PLPPR1: variants seen among roughly 807,000 people sequenced by gnomAD.
PLPPR1 encodes the protein phospholipid phosphatase-related protein type 1.
PLPPR1 carries 10 observed loss-of-function variants against 33.1 expected under a neutral mutation model. The ratio of observed to expected loss-of-function variants is 0.30; its 90% CI spans 0.19 to 0.51. The LOEUF (loss-of-function observed/expected upper bound fraction) is 0.51, where lower values mean the gene tolerates loss of function less well. PLPPR1 is among the 20% of genes least tolerant of loss of function. PLPPR1 has a pLI of 0.97. For missense variants in PLPPR1, 304 were observed against 408.1 expected (o/e 0.74, Z 2.20); for synonymous variants, 151 against 151.0 (o/e 1.00, Z 0.00).
At chr9:101,176,839 A>G (rs1826026168) in intron 1 of PLPPR1, among the ~76,000 whole-genome samples, 1 of 152,338 alleles carries the variant, frequency 6.6e-6, no homozygotes, top group South Asian at 2.1e-4. Context: ...AGAATCAAAA[A>G]GATCTCAAAC....
intron 1 of PLPPR1, among the ~76,000 whole-genome samples, chr9:101,134,615 C>T (rs1051656338): frequency 5.9e-5 from 9 of 152,082 alleles, no homozygotes; most frequent in African/African-American, 2.2e-4. Context: ...AACTCCTGAG[C>T]TCAAGTGATT....
intron 1 of PLPPR1, among the ~76,000 whole-genome samples, chr9:101,064,999 C>T (rs142621219): frequency 2.6e-5 from 4 of 152,052 alleles, no homozygotes; most frequent in African/African-American, 7.2e-5. Flanking sequence ...CCTCTCAACA[C>T]GTCTACACTG....
At chr9:101,226,217 A>T (rs909273241) in intron 2 of PLPPR1, among the ~76,000 whole-genome samples, 1 of 152,060 alleles carries the variant, frequency 6.6e-6, no homozygotes, top group African/African-American at 2.4e-5. Context: ...AGGCAGAAAA[A>T]GATTTTGAGA....
chr9:101,269,858 T>C lies in PLPPR1; in HGVS notation c.64-22T>C, dbSNP rs368695995. 1.2e-4 allele frequency: 187 copies of C among 1,612,958 alleles called. 1 individual carries two copies. Among genetic ancestry groups the C allele is most frequent in the Non-Finnish European group, 1.6e-4 (183 of 1,179,558 alleles). ...CTCCGAAGCCCTGCTAATGTCTCTG[T>C]GTGGCCATGCTGTATTTTCAGCTTG... On this transcript the variant is annotated intron_variant, in intron 2 of 7. Coordinates refer to ENST00000374874, the MANE Select transcript of PLPPR1 (RefSeq NM_207299.2).
At chr9:101,236,536 TCACA>T (rs60508436) in intron 2 of PLPPR1, among the ~76,000 whole-genome samples, 205 of 148,690 alleles carry the variant, frequency 1.4e-3, no homozygotes, top group Middle Eastern at 3.4e-3. Context: ...CTCTCTAAAC[TCACA>T]CACACACACA....
At position 101,044,674 on chromosome 9, in the gene PLPPR1, C is replaced by G. The variant is rs16919754; in HGVS notation, c.-46+15572C>G. 8.1e-3 allele frequency among the ~76,000 whole-genome samples: 1,226 copies of G among 152,222 alleles called. 14 individuals carry two copies. The highest frequency in any genetic ancestry group is 0.028 in the African/African-American group (1,164 of 41,546). ...AAGTAACTCTTCCAGCAATGTGAAACTCAAATTTTTACTGTTCATTTTTCA... is the reference window on the plus strand; with the variant it reads ...AAGTAACTCTTCCAGCAATGTGAAAGTCAAATTTTTACTGTTCATTTTTCA... On this transcript the variant is annotated intron_variant, in intron 1 of 7. Coordinates refer to ENST00000374874, the MANE Select transcript of PLPPR1 (RefSeq NM_207299.2).
intron 3 of PLPPR1, among the ~76,000 whole-genome samples, chr9:101,279,367 C>T (rs1828254285): frequency 6.6e-6 from 1 of 152,142 alleles, no homozygotes; most frequent in African/African-American, 2.4e-5. Context: ...AGATAGACCT[C>T]AATGCAAAAA....
At chr9:101,207,768 CTG>C (rs1229588152) in intron 2 of PLPPR1, among the ~76,000 whole-genome samples, 3 of 152,106 alleles carry the variant, frequency 2.0e-5, no homozygotes, top group Non-Finnish European at 4.4e-5. Flanking sequence ...TTCTGTGCCT[CTG>C]AGAGATTTTG....
At chr9:101,127,646 G>A (rs1831262499) in intron 1 of PLPPR1, among the ~76,000 whole-genome samples, 1 of 152,168 alleles carries the variant, frequency 6.6e-6, no homozygotes, top group Admixed American at 6.5e-5. Context: ...AGAGCCACGA[G>A]CCCTGGATTC....
intron 1 of PLPPR1, among the ~76,000 whole-genome samples, chr9:101,124,676 C>T (rs930352139): frequency 2.6e-5 from 4 of 152,196 alleles, no homozygotes; most frequent in East Asian, 1.9e-4. Flanking sequence ...CAATTCACAC[C>T]GTACAGGTGG....
intron 1 of PLPPR1, among the ~76,000 whole-genome samples, chr9:101,127,259 A>C (rs1273233765): frequency 6.6e-6 from 1 of 152,178 alleles, no homozygotes. Flanking sequence ...TTGTCACCCC[A>C]TGTTGGGTGC....
intron 3 of PLPPR1, among the ~76,000 whole-genome samples, chr9:101,285,643 CAGT>C (rs1828381252): frequency 6.6e-6 from 1 of 152,120 alleles, no homozygotes; most frequent in Non-Finnish European, 1.5e-5. Context: ...TTATAGCATA[CAGT>C]ATGTCATTTC....
chr9:101,217,132 T>C (rs1325122417), intron 2 of PLPPR1, among the ~76,000 whole-genome samples: 2 of 152,046 alleles, frequency 1.3e-5, no homozygotes, highest in Admixed American at 6.6e-5. Context: ...TATGAAGTAA[T>C]ATCATTAAAA....
chr9:101,265,982 C>A (rs1179756917), intron 2 of PLPPR1, among the ~76,000 whole-genome samples: 1 of 148,316 alleles, frequency 6.7e-6, no homozygotes, highest in Non-Finnish European at 1.5e-5. Context: ...GGCGACAGTG[C>A]GAGACACCGC....
At chr9:101,147,494 A>G (rs967621707) in intron 1 of PLPPR1, among the ~76,000 whole-genome samples, 14 of 152,294 alleles carry the variant, frequency 9.2e-5, no homozygotes, top group African/African-American at 3.4e-4. Flanking sequence ...AGCATAAAGC[A>G]TAGAGACCGA....
intron 1 of PLPPR1, among the ~76,000 whole-genome samples, chr9:101,106,509 G>A (rs1254299851): frequency 8.6e-6 from 1 of 116,642 alleles, no homozygotes; most frequent in Non-Finnish European, 1.7e-5. Context: ...GGTTTCTGCC[G>A]AGAGATCCGC....
At chr9:101,194,838 G>A (rs1826367879) in intron 2 of PLPPR1, among the ~76,000 whole-genome samples, 1 of 152,088 alleles carries the variant, frequency 6.6e-6, no homozygotes, top group Non-Finnish European at 1.5e-5. Flanking sequence ...GTGATTGTAG[G>A]CTATCATAGT....
intron 2 of PLPPR1, among the ~76,000 whole-genome samples, chr9:101,237,735 CTA>C (rs200269534): frequency 0.056 from 6,113 of 109,162 alleles, 234 homozygotes; most frequent in South Asian, 0.18. Flanking sequence ...TGTATATAGC[CTA>C]TATATATATA....
intron 4 of PLPPR1, among the ~76,000 whole-genome samples, chr9:101,296,965 A>T (rs552975212): frequency 3.2e-4 from 48 of 152,246 alleles, no homozygotes; most frequent in Non-Finnish European, 2.9e-4. Flanking sequence ...AATAAAATTT[A>T]AAAAAACACT....
Sources: gnomAD v4.1 joint callset for allele counts (sites outside exome capture counted in the v4.1 genomes callset) on GRCh38, gnomAD v4.1.1 for gene constraint, MANE v1.5 for transcripts, NCBI Gene and HGNC (gene_info 2026-07-23, HGNC 2026-07-21) for gene names.